The following PTPRN2 variants were observed in gnomAD, a reference collection of about 807,000 sequenced individuals.
The protein encoded by PTPRN2 is protein tyrosine phosphatase receptor type N2, also known as receptor-type tyrosine-protein phosphatase N2.
PTPRN2 carries 74 observed loss-of-function variants against 118.8 expected under a neutral mutation model. The ratio of observed to expected loss-of-function variants is 0.62; its 90% CI spans 0.52 to 0.76. The LOEUF is 0.76. Among genes scored for constraint, PTPRN2 ranks in the 30% least tolerant of loss-of-function variants. The probability of loss-of-function intolerance (pLI) is 0.00; values close to 1 mark genes in which losing one functional copy is unlikely to be tolerated. For synonymous variants in PTPRN2, 641 were observed against 608.0 expected (o/e 1.05, Z -0.80); for missense variants, 1,481 against 1,394.4 (o/e 1.06, Z -0.99).
chr7:158,345,372 C>T (rs1043470335), intron 2 of PTPRN2, among the ~76,000 whole-genome samples: 1 of 152,180 alleles, frequency 6.6e-6, no homozygotes, highest in Non-Finnish European at 1.5e-5. Flanking sequence ...TGTCTGGAGA[C>T]AGCGTGTTCT....
intron 12 of PTPRN2, among the ~76,000 whole-genome samples, chr7:157,771,383 C>T (rs188271113): frequency 1.1e-3 from 169 of 152,328 alleles, no homozygotes; most frequent in Non-Finnish European, 8.5e-4. Context: ...CCCCCCATTC[C>T]CTGTCTCCAT....
Position 157,780,651 on chromosome 7 carries a change from G to A in PTPRN2, c.1789-97714C>T, listed in dbSNP as rs1803621983. ...CCTCTGTGCCTCAGTTTCCCTGTTT[G>A]CACAATGGGGCTTCACCCATTTCGC... On this transcript the variant is annotated intron_variant, in intron 12 of 22. Transcript: ENST00000389418. This position sits in a 1 kb window ranked among gnomAD's most constrained non-coding sequence, Gnocchi z 4.5. Among the ~76,000 whole-genome samples, 1 of 152,198 alleles carries A rather than the reference G, an allele frequency of 6.6e-6. No homozygotes were observed. Among genetic ancestry groups the A allele is most frequent in the Non-Finnish European group, 1.5e-5 (1 of 68,032 alleles).
chr7:157,886,714 A>G (rs1333859408), intron 12 of PTPRN2, among the ~76,000 whole-genome samples: 1 of 150,858 alleles, frequency 6.6e-6, no homozygotes, highest in Non-Finnish European at 1.5e-5. Flanking sequence ...AAAAAGAGTG[A>G]GAAGAGCAGT....
At chr7:158,092,230 GTA>G (rs1313332437) in intron 10 of PTPRN2, among the ~76,000 whole-genome samples, 2 of 149,958 alleles carry the variant, frequency 1.3e-5, no homozygotes, top group Non-Finnish European at 1.5e-5. Flanking sequence ...ACACATATAT[GTA>G]TATATATGCA....
At chr7:158,496,345 C>T (rs866892484) in intron 1 of PTPRN2, among the ~76,000 whole-genome samples, 1 of 80,752 alleles carries the variant, frequency 1.2e-5, no homozygotes, top group Non-Finnish European at 2.4e-5. Context: ...CTTCCCTGTG[C>T]CCCCTTCCCT....
At position 158,395,768 on chromosome 7, in the gene PTPRN2, AGGGGTGAGGCGC is replaced by A. The variant is rs1372134614; in HGVS notation, c.164-78848_164-78837del. ...GGCGAGGGGTGAGGCGCGAGGGGCG[AGGGGTGAGGCGC>A]GAGGGGCGAGGGGTGAGGCGCGAGG... On this transcript the variant is annotated intron_variant, in intron 2 of 22. Transcript: ENST00000389418. Among the ~76,000 whole-genome samples, 42 of 46,036 alleles carry A rather than the reference AGGGGTGAGGCGC, an allele frequency of 9.1e-4. 9 individuals are homozygous for A. The highest frequency in any genetic ancestry group is 1.2e-3 in the African/African-American group (13 of 10,708). The allele number at this position is 46,036 out of a possible 152,430, so 30.2% of individuals were successfully genotyped here.
chr7:158,361,268 A>C (rs73729764), intron 2 of PTPRN2, among the ~76,000 whole-genome samples: 84 of 4,232 alleles, frequency 0.02, 38 homozygotes, highest in African/African-American at 0.083. Flanking sequence ...CACCCTCACC[A>C]AGGATGATGC....
intron 12 of PTPRN2, among the ~76,000 whole-genome samples, chr7:157,891,757 G>A (rs375753899): frequency 6.6e-6 from 1 of 152,180 alleles, no homozygotes; most frequent in Non-Finnish European, 1.5e-5. Flanking sequence ...TTGCTGAGCC[G>A]GAGTGTGAGG....
At chr7:158,328,633 C>A (rs1397101211) in intron 2 of PTPRN2, among the ~76,000 whole-genome samples, 4 of 151,802 alleles carry the variant, frequency 2.6e-5, no homozygotes, top group Admixed American at 1.3e-4. Context: ...GCAGGGCCCC[C>A]ATTCCTCCCA....
chr7:158,373,077 AATCAAGGAC>A (rs990436447), intron 2 of PTPRN2, among the ~76,000 whole-genome samples: 1 of 152,190 alleles, frequency 6.6e-6, no homozygotes, highest in Non-Finnish European at 1.5e-5. Context: ...CGGCCTCTTA[AATCAAGGAC>A]TTCCAGGCAG....
At chr7:158,416,227 T>G (rs1586620432) in intron 2 of PTPRN2, among the ~76,000 whole-genome samples, 4 of 152,180 alleles carry the variant, frequency 2.6e-5, no homozygotes, top group Admixed American at 2.0e-4. Context: ...CCAGCTTCAC[T>G]CCATAGTCAG....
intron 2 of PTPRN2, among the ~76,000 whole-genome samples, chr7:158,340,422 C>G (rs1388830841): frequency 5.1e-5 from 3 of 58,428 alleles, no homozygotes; most frequent in African/African-American, 1.1e-4. Flanking sequence ...GTCACTCACA[C>G]ACACACTCTC....
chr7:157,699,041 T>C (rs555979058), intron 12 of PTPRN2, among the ~76,000 whole-genome samples: 6 of 152,366 alleles, frequency 3.9e-5, no homozygotes, highest in Non-Finnish European at 7.3e-5. Context: ...TTGTTTAAAA[T>C]CTCTTTCACA....
At chr7:158,489,569 C>A (rs1043063836) in intron 2 of PTPRN2, among the ~76,000 whole-genome samples, 166 bp downstream of exon 2, 2 of 152,236 alleles carry the variant, frequency 1.3e-5, no homozygotes, top group Non-Finnish European at 1.5e-5. Context: ...TCCCCACCCA[C>A]CGAGGCCGCA....
chr7:158,507,842 A>G (rs1319110346), intron 1 of PTPRN2, among the ~76,000 whole-genome samples: 1 of 149,930 alleles, frequency 6.7e-6, no homozygotes. Context: ...CACGGAGGTC[A>G]GTGAGGACTG....
At chr7:158,061,365 C>G (rs570535454) in intron 11 of PTPRN2, among the ~76,000 whole-genome samples, 1 of 152,222 alleles carries the variant, frequency 6.6e-6, no homozygotes, top group Non-Finnish European at 1.5e-5. Flanking sequence ...ACAGTGGCCC[C>G]GCAACCCACC....
chr7:158,133,992 G>A lies in PTPRN2; in HGVS notation c.1241C>T (p.Ala414Val), dbSNP rs575249507. The A allele has an allele frequency of 2.8e-5, 45 of 1,613,994 alleles. No homozygotes were observed. The African/African-American group carries it at 5.1e-4, about 18-fold the overall frequency. Residue 414 changes from alanine to valine, a missense_variant, in exon 9 of 23, where the codon GCC becomes GTC. Transcript: ENST00000389418. ...QDHGSRLLPG[A>V]LPFARPLDME... ...GTCGAGGGGCCTTGCAAAGGGGAGGGCTCCAGGTAAGAGTCGAGACCCGTG... is the reference window on the plus strand; with the variant it reads ...GTCGAGGGGCCTTGCAAAGGGGAGGACTCCAGGTAAGAGTCGAGACCCGTG...
At chr7:157,695,195 T>G (rs540332178) in intron 12 of PTPRN2, among the ~76,000 whole-genome samples, 60 of 151,984 alleles carry the variant, frequency 3.9e-4, no homozygotes, top group Admixed American at 1.5e-3. Context: ...ATGCACTAAA[T>G]TATCAAAGAA....
At chr7:158,056,264 G>T (rs1022165089) in intron 11 of PTPRN2, among the ~76,000 whole-genome samples, 1 of 152,122 alleles carries the variant, frequency 6.6e-6, no homozygotes, top group Non-Finnish European at 1.5e-5. Context: ...TGGATGCCCT[G>T]AGCCATCACA....
Sources: allele counts gnomAD v4.1 joint callset (sites outside exome capture counted in the v4.1 genomes callset), GRCh38; gene constraint gnomAD v4.1.1; non-coding constraint Gnocchi (gnomAD v3.1); transcripts MANE v1.5; gene names NCBI Gene and HGNC (gene_info 2026-07-23, HGNC 2026-07-21).